RAB3GAP1: variants seen among roughly 807,000 people sequenced by gnomAD.
RAB3GAP1 encodes the protein rab3 GTPase-activating protein catalytic subunit.
A neutral mutation model predicts 130.7 loss-of-function variants in RAB3GAP1; 86 were observed. The observed-to-expected ratio is 0.66, with a 90% CI of 0.55 to 0.79. RAB3GAP1 has a LOEUF of 0.79. Among genes scored for constraint, RAB3GAP1 ranks in the 30% least tolerant of loss-of-function variants. The pLI, the probability that RAB3GAP1 is intolerant of heterozygous loss-of-function variation, is 0.00. For missense variants in RAB3GAP1, 1,029 were observed against 1,169.4 expected, an observed-to-expected ratio of 0.88 and a Z score of 1.75; for synonymous variants, 367 against 401.7, an observed-to-expected ratio of 0.91 and a Z score of 1.03.
At chr2:135,096,563 A>G (rs1558773528) in intron 5 of RAB3GAP1, among the ~76,000 whole-genome samples, 2 of 152,198 alleles carry the variant, frequency 1.3e-5, no homozygotes, top group Non-Finnish European at 2.9e-5. Context: ...ATATGAATAT[A>G]TACATTTAAT....
At chr2:135,106,408 C>G (rs928923365) in intron 5 of RAB3GAP1, among the ~76,000 whole-genome samples, 2 of 152,342 alleles carry the variant, frequency 1.3e-5, no homozygotes, top group South Asian at 2.1e-4. Flanking sequence ...TTGTTCTGTA[C>G]TAAGAAAAAT....
intron 3 of RAB3GAP1, among the ~76,000 whole-genome samples, chr2:135,084,863 A>G (rs1319720510): frequency 1.3e-5 from 2 of 152,202 alleles, no homozygotes; most frequent in Admixed American, 1.3e-4. Flanking sequence ...TCGTTCTTGT[A>G]TTTGAACAAG....
chr2:135,081,167 CGTG>C (rs1380228526), intron 3 of RAB3GAP1, among the ~76,000 whole-genome samples: 9 of 150,132 alleles, frequency 6.0e-5, no homozygotes, highest in African/African-American at 2.2e-4. Flanking sequence ...ATTAGCCGGG[CGTG>C]GTGGTGGGTG....
At chr2:135,131,509 C>A (rs1021250217) in intron 13 of RAB3GAP1, among the ~76,000 whole-genome samples, 6 of 152,162 alleles carry the variant, frequency 3.9e-5, no homozygotes, top group Non-Finnish European at 5.9e-5. Flanking sequence ...GGATTACAGG[C>A]GTGAGCCACC....
chr2:135,087,113 A>G (rs1690008829), intron 3 of RAB3GAP1, among the ~76,000 whole-genome samples: 1 of 152,186 alleles, frequency 6.6e-6, no homozygotes, highest in Admixed American at 6.5e-5. Flanking sequence ...AGATCCCAAG[A>G]TATTCTCATG....
chr2:135,166,127 A>AT (rs2105004003), intron 23 of RAB3GAP1, among the ~76,000 whole-genome samples: 1 of 151,888 alleles, frequency 6.6e-6, no homozygotes, highest in East Asian at 1.9e-4. Flanking sequence ...AGCTGAGATC[A>AT]TGCCACTGCA....
At chr2:135,095,713 A>G (rs190509574) in intron 5 of RAB3GAP1, among the ~76,000 whole-genome samples, 1 of 152,342 alleles carries the variant, frequency 6.6e-6, no homozygotes, top group Non-Finnish European at 1.5e-5. Flanking sequence ...AACAAGTTTT[A>G]AATTGTATGC....
intron 3 of RAB3GAP1, among the ~76,000 whole-genome samples, chr2:135,084,901 G>A (rs1037051878): frequency 6.6e-6 from 1 of 152,250 alleles, no homozygotes; most frequent in Non-Finnish European, 1.5e-5. Flanking sequence ...CTAACTGTTT[G>A]AAAATAATCA....
In RAB3GAP1 at chr2:135,153,743, T is replaced by G; in HGVS notation, c.2156T>G (p.Val719Gly). The G allele has an allele frequency of 1.2e-6, 2 of 1,614,006 alleles. No homozygotes were observed. Among genetic ancestry groups the G allele is most frequent in the Non-Finnish European group, 1.7e-6 (2 of 1,179,926 alleles). The change falls in exon 19 of 24, where the codon GTG becomes GGG. Residue 719 changes from valine to glycine, a missense_variant. By Grantham distance (109) the Val-to-Gly change is moderately radical. Around this residue, in one of 3 missense-constraint regions of RAB3GAP1, gnomAD observed 373 missense variants for 493.6 expected, o/e 0.76. Coordinates refer to ENST00000264158, the MANE Select transcript of RAB3GAP1 (RefSeq NM_012233.3). Reference sequence around the variant, plus strand: ...GAGGTGATTGATGAAAAGGGCAATGTGGTGCTGAAAGGAGAACTGAGTGCC... The same window carrying G: ...GAGGTGATTGATGAAAAGGGCAATGGGGTGCTGAAAGGAGAACTGAGTGCC... ...EEEVIDEKGN[V>G]VLKGELSARM...
chr2:135,088,558 G>A (rs1690050726), intron 3 of RAB3GAP1, among the ~76,000 whole-genome samples: 1 of 151,748 alleles, frequency 6.6e-6, no homozygotes, highest in Non-Finnish European at 1.5e-5. Flanking sequence ...GCGTGGTGGT[G>A]CATGCCTGTA....
intron 5 of RAB3GAP1, among the ~76,000 whole-genome samples, chr2:135,095,998 A>G (rs2104883343): frequency 6.6e-6 from 1 of 152,372 alleles, no homozygotes; most frequent in Admixed American, 6.5e-5. Flanking sequence ...CAGTACATAC[A>G]GGCTTTGATA....
downstream of RAB3GAP1, among the ~76,000 whole-genome samples, chr2:135,172,570 G>C (rs1332716738): frequency 6.6e-6 from 1 of 152,196 alleles, no homozygotes; most frequent in Non-Finnish European, 1.5e-5. Flanking sequence ...GGGTAAAAGG[G>C]ATCAGATTTG....
chr2:135,173,934 T>A (rs1468817599), downstream of RAB3GAP1, among the ~76,000 whole-genome samples: 1 of 152,240 alleles, frequency 6.6e-6, no homozygotes, highest in East Asian at 1.9e-4. Flanking sequence ...TCTTCTGGCC[T>A]CTAATTTACG....
At chr2:135,119,070 T>C (rs968191063) in intron 7 of RAB3GAP1, among the ~76,000 whole-genome samples, 9 of 137,984 alleles carry the variant, frequency 6.5e-5, no homozygotes, top group East Asian at 2.2e-4. Context: ...CTTCCTTCCT[T>C]CCTCCCTCCC....
At chr2:135,104,567 TGGC>T (rs1007935734) in intron 5 of RAB3GAP1, among the ~76,000 whole-genome samples, 19 of 152,170 alleles carry the variant, frequency 1.2e-4, no homozygotes, top group African/African-American at 2.6e-4. Flanking sequence ...AAGAACCAAA[TGGC>T]GGCCAGGCGT....
At chr2:135,055,922 T>C (rs1159263410) in intron 2 of RAB3GAP1, among the ~76,000 whole-genome samples, 3 of 152,080 alleles carry the variant, frequency 2.0e-5, no homozygotes, top group Non-Finnish European at 2.9e-5. Context: ...CTGCAAGCTC[T>C]GCCTCCCAGG....
chr2:135,101,128 TG>T (rs905494937), intron 5 of RAB3GAP1, among the ~76,000 whole-genome samples: 4 of 152,208 alleles, frequency 2.6e-5, no homozygotes, highest in African/African-American at 9.6e-5. Flanking sequence ...CTTTGGTATG[TG>T]GGTATTTTAA....
intron 3 of RAB3GAP1, 168 bp downstream of exon 3, chr2:135,058,254 T>C: frequency 1.6e-6 from 1 of 643,242 alleles, no homozygotes. Flanking sequence ...CTGTGGCAAA[T>C]GATATATGTA....
chr2:135,125,695 G>A (rs1027904015), intron 9 of RAB3GAP1, among the ~76,000 whole-genome samples: 16 of 152,156 alleles, frequency 1.1e-4, no homozygotes, highest in Admixed American at 6.5e-4. Context: ...ACTAGACAAA[G>A]GGATGATTCA....
Sources: gnomAD v4.1 joint callset for allele counts (sites outside exome capture counted in the v4.1 genomes callset) on GRCh38, gnomAD v4.1.1 for gene constraint, gnomAD v4.1.1 regional missense constraint, MANE v1.5 for transcripts, NCBI Gene and HGNC (gene_info 2026-07-23, HGNC 2026-07-21) for gene names.